Variants in SUMF1 observed in about 807,000 individuals in gnomAD.
SUMF1 encodes formylglycine-generating enzyme.
Under a neutral mutation model 47.6 loss-of-function variants are expected in SUMF1, and 48 were observed. That is an observed-to-expected ratio of 1.01 (90% CI 0.80 to 1.28). The LOEUF is 1.28. Ranked by LOEUF, SUMF1 falls within the 50% of genes most tolerant of loss-of-function variation. The probability of loss-of-function intolerance (pLI) is 0.00; values close to 1 mark genes in which losing one functional copy is unlikely to be tolerated. For synonymous variants in SUMF1, 230 were observed against 192.1 expected (o/e 1.20, Z -1.63); for missense variants, 571 against 485.4 (o/e 1.18, Z -1.66).
chr3:4,267,693 C>T (rs1431271491), intron 8 of SUMF1, among the ~76,000 whole-genome samples: 1 of 151,300 alleles, frequency 6.6e-6, no homozygotes, highest in African/African-American at 2.4e-5. Context: ...GAGATATCAT[C>T]TCACACCAGT....
intron 8 of SUMF1, among the ~76,000 whole-genome samples, chr3:4,332,117 CT>C (rs66872269): frequency 0.17 from 26,035 of 152,104 alleles, 2,843 homozygotes; most frequent in Non-Finnish European, 0.24. Context: ...TAAGCACTTC[CT>C]TTTTTCTTTA....
At chr3:4,053,475 T>C (rs1695146890) in intron 9 of SUMF1, among the ~76,000 whole-genome samples, 1 of 152,116 alleles carries the variant, frequency 6.6e-6, no homozygotes, top group South Asian at 2.1e-4. Context: ...TTACGCAAGG[T>C]TGCCACAAAC....
chr3:4,411,874 G>T (rs970267880), intron 6 of SUMF1, among the ~76,000 whole-genome samples: 3 of 151,870 alleles, frequency 2.0e-5, no homozygotes, highest in Admixed American at 6.6e-5. Flanking sequence ...GTAATCCTTG[G>T]GGGTTTAAAA....
intron 9 of SUMF1, among the ~76,000 whole-genome samples, chr3:4,048,051 G>A (rs1044722432): frequency 2.0e-5 from 3 of 152,102 alleles, no homozygotes; most frequent in Non-Finnish European, 4.4e-5. Flanking sequence ...CCTTTGATTA[G>A]GGTCTGTTTC....
At chr3:4,465,496 G>T (rs1211276737) in intron 1 of SUMF1, among the ~76,000 whole-genome samples, 1 of 150,494 alleles carries the variant, frequency 6.6e-6, no homozygotes, top group African/African-American at 2.4e-5. Flanking sequence ...AAAAAGAAAA[G>T]AAAAAAGAAA....
intron 9 of SUMF1, among the ~76,000 whole-genome samples, chr3:4,067,667 G>GTT (rs1695408972): frequency 1.3e-5 from 2 of 152,278 alleles, no homozygotes; most frequent in South Asian, 4.1e-4. Context: ...GCTCTCTATG[G>GTT]ACATTAACAC....
At chr3:4,172,136 A>C (rs1003192726) in intron 8 of SUMF1, among the ~76,000 whole-genome samples, 2 of 152,212 alleles carry the variant, frequency 1.3e-5, no homozygotes, top group African/African-American at 4.8e-5. Context: ...AAAAATACTT[A>C]AATGAAATCT....
At chr3:4,196,235 G>C (rs1014589428) in intron 8 of SUMF1, among the ~76,000 whole-genome samples, 1 of 152,060 alleles carries the variant, frequency 6.6e-6, no homozygotes, top group South Asian at 2.1e-4. Context: ...ACCAGGTTTT[G>C]CAACTCCAAT....
At chr3:4,211,456 G>T (rs1468012377) in intron 8 of SUMF1, among the ~76,000 whole-genome samples, 3 of 151,654 alleles carry the variant, frequency 2.0e-5, no homozygotes, top group African/African-American at 7.3e-5. Flanking sequence ...AGTTTGCTAA[G>T]ATAATGGCCT....
At chr3:4,127,918 A>T (rs555727502) in intron 8 of SUMF1, among the ~76,000 whole-genome samples, 1 of 152,254 alleles carries the variant, frequency 6.6e-6, no homozygotes, top group African/African-American at 2.4e-5. Flanking sequence ...TTAGAGACTT[A>T]CACAAAATAA....
At chr3:4,150,561 A>C (rs1219526052) in intron 8 of SUMF1, among the ~76,000 whole-genome samples, 1 of 145,422 alleles carries the variant, frequency 6.9e-6, no homozygotes, top group Non-Finnish European at 1.5e-5. Flanking sequence ...AAAAAAAAAA[A>C]ATGTGTAGAG....
At chr3:4,117,727 C>CA (rs1404291646) in intron 8 of SUMF1, among the ~76,000 whole-genome samples, 1 of 151,674 alleles carries the variant, frequency 6.6e-6, no homozygotes, top group East Asian at 1.9e-4. Context: ...CATTAGAAAT[C>CA]AAAAAATGTA....
intron 8 of SUMF1, among the ~76,000 whole-genome samples, chr3:4,260,531 T>C (rs959042194): frequency 1.1e-4 from 17 of 152,164 alleles, no homozygotes; most frequent in African/African-American, 3.1e-4. Flanking sequence ...TTATCAGAGA[T>C]TGGGATAAAC....
chr3:4,102,784 T>C (rs1693065417), intron 8 of SUMF1, among the ~76,000 whole-genome samples: 1 of 151,330 alleles, frequency 6.6e-6, no homozygotes, highest in African/African-American at 2.4e-5. Context: ...TTAATGTAGC[T>C]TACTTGATAG....
intron 8 of SUMF1, among the ~76,000 whole-genome samples, chr3:4,131,960 C>G (rs1399212781): frequency 6.6e-6 from 1 of 152,116 alleles, no homozygotes; most frequent in Non-Finnish European, 1.5e-5. Context: ...CCAAGGCCGA[C>G]CTGGCTACAG....
intron 8 of SUMF1, among the ~76,000 whole-genome samples, chr3:4,349,897 G>A (rs928937071): frequency 2.6e-5 from 4 of 151,892 alleles, no homozygotes; most frequent in Admixed American, 6.6e-5. Flanking sequence ...AACCAACACG[G>A]CACATGTATT....
At chr3:4,172,364 G>C (rs1694850488) in intron 8 of SUMF1, among the ~76,000 whole-genome samples, 6 of 152,066 alleles carry the variant, frequency 3.9e-5, no homozygotes, top group Admixed American at 3.9e-4. Context: ...AGTTTTTAAT[G>C]TCTATAAAAT....
intron 9 of SUMF1, among the ~76,000 whole-genome samples, chr3:4,041,973 TG>T (rs984475609): frequency 1.4e-4 from 21 of 152,146 alleles, no homozygotes; most frequent in African/African-American, 5.1e-4. Flanking sequence ...TTTACAAAGA[TG>T]ATAATAGTCC....
In SUMF1 at chr3:4,429,716, A is replaced by T. The variant is rs181128214; in HGVS notation, c.520-9570T>A. Among the ~76,000 whole-genome samples, 225 of 152,266 alleles carry T rather than the reference A, an allele frequency of 1.5e-3. 1 individual carries two copies. The highest frequency in any genetic ancestry group is 1.2e-3 in the East Asian group (6 of 5,178). The stretch of plus-strand genomic sequence containing the variant: ...ATACACATGCAGATGACCATATAAC[A>T]TCATGGCTCTGTTGCTGGCCCTTCA... On this transcript the variant is annotated intron_variant, in intron 3 of 8. Transcript: ENST00000272902.
Sources: gnomAD v4.1 joint callset for allele counts (sites outside exome capture counted in the v4.1 genomes callset) on GRCh38, gnomAD v4.1.1 for gene constraint, MANE v1.5 for transcripts, NCBI Gene and HGNC (gene_info 2026-07-23, HGNC 2026-07-21) for gene names.